The following ITPR2 variants were observed in gnomAD, a reference collection of about 807,000 sequenced individuals.
The protein encoded by ITPR2 is inositol 1,4,5-trisphosphate-gated calcium channel ITPR2.
ITPR2 carries 207 observed loss-of-function variants against 317.1 expected under a neutral mutation model. That is an observed-to-expected ratio of 0.65 (90% CI 0.58 to 0.73). The LOEUF (loss-of-function observed/expected upper bound fraction) is 0.73. Among genes scored for constraint, ITPR2 ranks in the 30% least tolerant of loss-of-function variants. The pLI, the probability that ITPR2 is intolerant of heterozygous loss-of-function variation, is 0.00. For missense variants in ITPR2, 2,613 were observed against 3,284.0 expected, an observed-to-expected ratio of 0.80 and a Z score of 4.99; for synonymous variants, 1,156 against 1,149.1, an observed-to-expected ratio of 1.01 and a Z score of -0.12.
chr12:26,541,454 T>C (rs1944259597), intron 37 of ITPR2, among the ~76,000 whole-genome samples: 1 of 152,214 alleles, frequency 6.6e-6, no homozygotes, highest in Non-Finnish European at 1.5e-5. Flanking sequence ...ACAAAACAAA[T>C]GTACTCACCT....
intron 34 of ITPR2, among the ~76,000 whole-genome samples, chr12:26,566,370 G>A (rs1944986112): frequency 1.4e-5 from 2 of 142,170 alleles, no homozygotes; most frequent in Non-Finnish European, 3.1e-5. Context: ...GAGAAGGAGA[G>A]GAGAGGAGAG....
At chr12:26,755,579 T>C (rs1949506563) in intron 2 of ITPR2, among the ~76,000 whole-genome samples, 1 of 152,246 alleles carries the variant, frequency 6.6e-6, no homozygotes, top group African/African-American at 2.4e-5. Context: ...ATTTGGAGCA[T>C]ATTTGTTTCT....
intron 2 of ITPR2, among the ~76,000 whole-genome samples, chr12:26,751,594 G>A (rs949869345): frequency 6.6e-6 from 1 of 152,140 alleles, no homozygotes; most frequent in African/African-American, 2.4e-5. Flanking sequence ...TACAGGCCAG[G>A]TGCAGTGGCT....
Position 26,553,276 on chromosome 12 carries a change from G to T in ITPR2, c.4965-2921C>A, listed in dbSNP as rs188845459. ...TGGACTCTAATCAGCCGCCTTAAAG[G>T]TTAACAGTATCATTGACCTATTCTC... On this transcript the variant is annotated intron_variant, in intron 36 of 56. Coordinates refer to ENST00000381340, the MANE Select transcript of ITPR2 (RefSeq NM_002223.4). 3.3e-5 allele frequency among the ~76,000 whole-genome samples: 5 copies of T among 152,276 alleles called. No individual in the cohort carries two copies. The East Asian group carries it at 9.6e-4, about 29-fold the overall frequency.
rs777460753 is a variant in ITPR2 at position 26,657,862 on chromosome 12, C to A, written c.2037G>T (p.Met679Ile). The A allele has an allele frequency of 6.2e-7, 1 of 1,614,000 alleles. No individual in the cohort carries two copies. The highest frequency in any genetic ancestry group is 8.5e-7 in the Non-Finnish European group (1 of 1,180,014). Reference protein sequence around the residue: ...KVVSMQADNPMESSILSDDID... With the variant: ...KVVSMQADNPIESSILSDDID... ...TGTCATCTGAAAGGATGGAGCTCTCCATGGGGTTGTCTGCTTGCATTGAGA... is the reference window on the plus strand; with the variant it reads ...TGTCATCTGAAAGGATGGAGCTCTCAATGGGGTTGTCTGCTTGCATTGAGA... The change falls in exon 18 of 57, where the codon ATG becomes ATT. Residue 679 changes from methionine (M) to isoleucine (I), a missense_variant. Physicochemically the swap from Met to Ile is conservative, Grantham distance 10. Transcript: ENST00000381340.
chr12:26,371,939 C>T (rs1939201149), intron 55 of ITPR2, among the ~76,000 whole-genome samples: 1 of 152,154 alleles, frequency 6.6e-6, no homozygotes, highest in African/African-American at 2.4e-5. Context: ...CATAATTCCT[C>T]TACATAAAAG....
At chr12:26,682,471 G>T in intron 12 of ITPR2, 103 bp downstream of exon 12, 1 of 713,250 alleles carries the variant, frequency 1.4e-6, no homozygotes, top group Non-Finnish European at 2.4e-6. Flanking sequence ...CTGTAATATT[G>T]GTGAAGATGG....
chr12:26,359,602 GA>G (rs34699968), intron 55 of ITPR2, among the ~76,000 whole-genome samples: 44,530 of 151,308 alleles, frequency 0.29, 7,811 homozygotes, highest in East Asian at 0.6. Context: ...CTCTTGTGGG[GA>G]AAAAAAAAGC....
At chr12:26,764,931 G>C (rs1949693929) in intron 2 of ITPR2, among the ~76,000 whole-genome samples, 3 of 151,986 alleles carry the variant, frequency 2.0e-5, no homozygotes, top group Admixed American at 1.3e-4. Flanking sequence ...TTTAGCTAAG[G>C]AACACAGCTA....
At chr12:26,645,292 C>CATCTGAT (rs1162201571) in intron 21 of ITPR2, among the ~76,000 whole-genome samples, 4 of 152,194 alleles carry the variant, frequency 2.6e-5, no homozygotes, top group Non-Finnish European at 5.9e-5. Context: ...AGTACATGCT[C>CATCTGAT]ATCTGATACA....
intron 54 of ITPR2, among the ~76,000 whole-genome samples, chr12:26,394,640 G>A (rs1003551375): frequency 5.9e-5 from 9 of 152,188 alleles, no homozygotes; most frequent in Non-Finnish European, 1.2e-4. Context: ...TAGATGCCAG[G>A]AAAATTCAAG....
At chr12:26,625,558 T>A (rs530619160) in intron 23 of ITPR2, among the ~76,000 whole-genome samples, 23 of 152,338 alleles carry the variant, frequency 1.5e-4, no homozygotes, top group African/African-American at 5.3e-4. Context: ...ATGTAATTTT[T>A]TAATGTAAAC....
rs1282630619 is a variant in ITPR2, at chr12:26,567,991, T to TATATTATATATATTATATATATA, written c.4631-6040_4631-6039insTATATATATAATATATATAATAT. ...ATATTATATATATTATATATATATA[T>TATATTATATATATTATATATATA]ATATATTATATATATTATATATATA... On this transcript the variant is annotated intron_variant, in intron 34 of 56. Coordinates refer to ENST00000381340, the MANE Select transcript of ITPR2 (RefSeq NM_002223.4). 1.9e-3 allele frequency among the ~76,000 whole-genome samples: 10 copies of TATATTATATATATTATATATATA among 5,280 alleles called. 1 individual carries two copies. Among genetic ancestry groups the TATATTATATATATTATATATATA allele is most frequent in the East Asian group, 8.2e-3 (10 of 1,218 alleles). 3.5% of individuals were successfully genotyped at this position (5,280 alleles called of 152,430 possible).
chr12:26,495,437 T>A (rs1031592685), intron 37 of ITPR2, 177 bp from the exon 38 acceptor site: 1 of 530,924 alleles, frequency 1.9e-6, no homozygotes, highest in Non-Finnish European at 3.3e-6. Context: ...AATAAAATAA[T>A]CATTTTGCTT....
chr12:26,677,076 G>A (rs1947923987), intron 13 of ITPR2, among the ~76,000 whole-genome samples: 1 of 146,442 alleles, frequency 6.8e-6, no homozygotes, highest in South Asian at 2.2e-4. Flanking sequence ...CAAAATGTAC[G>A]ATAAGAATTC....
At chr12:26,762,629 A>G (rs1949657123) in intron 2 of ITPR2, among the ~76,000 whole-genome samples, 1 of 152,238 alleles carries the variant, frequency 6.6e-6, no homozygotes, top group Non-Finnish European at 1.5e-5. Flanking sequence ...ATGTAGAAGT[A>G]TAAAATTCAC....
intron 37 of ITPR2, among the ~76,000 whole-genome samples, chr12:26,543,363 G>A (rs1192295110): frequency 6.6e-6 from 1 of 152,130 alleles, no homozygotes; most frequent in Non-Finnish European, 1.5e-5. Flanking sequence ...TATTGTGTGT[G>A]TTTGTGTGTG....
intron 1 of ITPR2, among the ~76,000 whole-genome samples, chr12:26,816,994 A>C (rs1201296265): frequency 6.6e-6 from 1 of 152,068 alleles, no homozygotes; most frequent in Admixed American, 6.5e-5. Flanking sequence ...CCTGGCTAAC[A>C]CGGTGAAACC....
intron 7 of ITPR2, 36 bp from the exon 8 acceptor site, chr12:26,715,481 A>T (rs1329383111): frequency 3.2e-6 from 5 of 1,585,398 alleles, no homozygotes; most frequent in Admixed American, 1.8e-5. Context: ...GAACAAACAG[A>T]TGTGAGAAGC....
Sources: gnomAD v4.1 joint callset for allele counts (sites outside exome capture counted in the v4.1 genomes callset) on GRCh38, gnomAD v4.1.1 for gene constraint, MANE v1.5 for transcripts, NCBI Gene and HGNC (gene_info 2026-07-23, HGNC 2026-07-21) for gene names.